SPINK5: variants seen among roughly 807,000 people sequenced by gnomAD.
SPINK5 encodes the protein serine protease inhibitor Kazal-type 5.
SPINK5 carries 125 observed loss-of-function variants against 151.8 expected under a neutral mutation model. The observed-to-expected ratio is 0.82, with a 90% confidence interval of 0.71 to 0.96. SPINK5 has a LOEUF of 0.96. SPINK5 is among the 40% of genes least tolerant of loss of function. The pLI is 0.00. For synonymous variants in SPINK5, 374 were observed against 395.3 expected, an observed-to-expected ratio of 0.95 and a Z score of 0.64; for missense variants, 1,194 against 1,291.9, an observed-to-expected ratio of 0.92 and a Z score of 1.16.
intron 26 of SPINK5, among the ~76,000 whole-genome samples, chr5:148,123,521 G>GTGTGTGTGTATATATATATATA (rs1328976077): frequency 4.0e-4 from 10 of 25,010 alleles, no homozygotes; most frequent in African/African-American, 7.2e-4. Flanking sequence ...CAATATATGT[G>GTGTGTGTGTATATATATATATA]TATATATATA....
intron 28 of SPINK5, among the ~76,000 whole-genome samples, chr5:148,125,369 T>C (rs1168458051): frequency 6.6e-6 from 1 of 152,202 alleles, no homozygotes; most frequent in Non-Finnish European, 1.5e-5. Context: ...TCTTTAACAG[T>C]AACAATCACA....
chr5:148,089,068 T>A, intron 6 of SPINK5: 1 of 461,268 alleles, frequency 2.2e-6, no homozygotes, highest in Non-Finnish European at 4.3e-6. Flanking sequence ...AAGGATCTCA[T>A]ACATGTCACA....
At chr5:148,128,339 G>A (rs947712627) in intron 30 of SPINK5, among the ~76,000 whole-genome samples, 5 of 151,982 alleles carry the variant, frequency 3.3e-5, no homozygotes, top group Non-Finnish European at 5.9e-5. Context: ...CAAGAAATAA[G>A]ATATCATCAG....
intron 2 of SPINK5, among the ~76,000 whole-genome samples, chr5:148,066,418 G>A (rs111827519): frequency 0.019 from 2,889 of 151,990 alleles, 105 homozygotes; most frequent in African/African-American, 0.065. Flanking sequence ...TTTTATCTCT[G>A]GCCACGAACA....
chr5:148,097,739 G>T, intron 10 of SPINK5, 128 bp from the exon 11 acceptor site: 2 of 920,686 alleles, frequency 2.2e-6, no homozygotes, highest in Non-Finnish European at 3.1e-6. Flanking sequence ...CACAATTTTT[G>T]GATGGTCCTA....
intron 15 of SPINK5, among the ~76,000 whole-genome samples, chr5:148,104,186 T>C (rs1753720915): frequency 2.0e-5 from 3 of 152,212 alleles, no homozygotes; most frequent in African/African-American, 7.2e-5. Flanking sequence ...GGTACTTTTA[T>C]TACCTCTTCT....
In SPINK5 at chr5:148,086,460, A is replaced by G. The variant is rs2113051809; in HGVS notation, c.338A>G (p.Asp113Gly). ...GERDGDFICP[D>G]YYEAVCGTDG... ...AGAGATGGGGATTTTATCTGTCCTGATTATTATGAAGCTGTTTGTGGCACA... is the reference window on the plus strand; with the variant it reads ...AGAGATGGGGATTTTATCTGTCCTGGTTATTATGAAGCTGTTTGTGGCACA... The change falls in exon 5 of 33, where the codon GAT (aspartate) becomes GGT (glycine). Residue 113 changes from aspartate (D) to glycine (G), a missense_variant. Asp to Gly is a moderately conservative substitution (Grantham distance 94). Transcript: ENST00000256084. 1 of 1,611,944 alleles carries G rather than the reference A, an allele frequency of 6.2e-7. No homozygotes were observed. The highest frequency in any genetic ancestry group is 1.7e-5 in the Admixed American group (1 of 59,850).
At chr5:148,089,748 A>G (rs532255925) in intron 7 of SPINK5, 127 bp downstream of exon 7, 701 of 1,373,606 alleles carry the variant, frequency 5.1e-4, no homozygotes, top group Admixed American at 7.4e-4. Context: ...ACTGTGAAAT[A>G]GCCTTTCTCA....
intron 8 of SPINK5, among the ~76,000 whole-genome samples, chr5:148,093,978 A>C (rs968748146): frequency 6.6e-6 from 1 of 151,996 alleles, no homozygotes; most frequent in Non-Finnish European, 1.5e-5. Context: ...TTTCCAGATT[A>C]AAACGTAGAA....
chr5:148,094,563 GA>G, intron 9 of SPINK5, 82 bp downstream of exon 9: 2 of 1,605,978 alleles, frequency 1.2e-6, no homozygotes, highest in Non-Finnish European at 1.7e-6. Context: ...AAATAACTTT[GA>G]AAGGAAGCTT....
intron 28 of SPINK5, among the ~76,000 whole-genome samples, chr5:148,125,102 A>C (rs1413792028): frequency 6.6e-6 from 1 of 152,166 alleles, no homozygotes; most frequent in Non-Finnish European, 1.5e-5. Flanking sequence ...TGGATTGAAA[A>C]GTAGAGGGTA....
At chr5:148,104,714 T>C (rs1753733534) in intron 15 of SPINK5, among the ~76,000 whole-genome samples, 1 of 151,930 alleles carries the variant, frequency 6.6e-6, no homozygotes, top group Admixed American at 6.6e-5. Context: ...GCCAGCATGG[T>C]GAAACCCCGT....
intron 30 of SPINK5, among the ~76,000 whole-genome samples, chr5:148,130,436 A>T (rs1192900584): frequency 1.3e-5 from 2 of 152,026 alleles, no homozygotes; most frequent in Non-Finnish European, 2.9e-5. Flanking sequence ...AATTACTGAT[A>T]CCATTGGATT....
At position 148,089,508 on chromosome 5, in the gene SPINK5, T is replaced by A. The variant is rs574656084; in HGVS notation, c.489T>A (p.Ala163=). ...CTGTTCTTCAGGATGTATGCAGTGC[T>A]TTTCGGCCCTTTGTTAGAGATGGAA... ...SSNPEQDVCS[A]FRPFVRDGRL... is the part of the protein sequence containing the mutation. Residue 163 remains alanine, a synonymous_variant, in exon 7 of 33, where the codon GCT becomes GCA. Transcript: ENST00000256084. The A allele has an allele frequency of 5.3e-5, 86 of 1,611,894 alleles. No individual in the cohort carries two copies. In the East Asian group the frequency reaches 1.7e-3, roughly 32 times the overall value.
chr5:148,101,691 G>A (rs1027678002), intron 14 of SPINK5, 90 bp from the exon 15 acceptor site: 206 of 1,593,202 alleles, frequency 1.3e-4, no homozygotes, highest in South Asian at 2.3e-4. Context: ...GCTAATCCTC[G>A]TTTAAGAAAA....
At chr5:148,068,094 G>C (rs1347315893) in intron 2 of SPINK5, among the ~76,000 whole-genome samples, 1 of 152,038 alleles carries the variant, frequency 6.6e-6, no homozygotes, top group African/African-American at 2.4e-5. Context: ...TATTCATCAA[G>C]GTAAGCATAA....
intron 24 of SPINK5, 33 bp downstream of exon 24, chr5:148,119,091 T>G: frequency 3.8e-6 from 6 of 1,594,678 alleles, no homozygotes; most frequent in Non-Finnish European, 5.2e-6. Flanking sequence ...GCAAGAATCG[T>G]CTTTCTGTGA....
intron 20 of SPINK5, 107 bp downstream of exon 20, chr5:148,113,041 G>A (rs1304686493): frequency 2.6e-6 from 4 of 1,532,946 alleles, no homozygotes; most frequent in South Asian, 1.2e-5. Context: ...GGAACTAGGG[G>A]TTCATTTAGT....
At chr5:148,065,255 A>T (rs934587710) in intron 1 of SPINK5, 92 bp from the exon 2 acceptor site, 2 of 1,363,310 alleles carry the variant, frequency 1.5e-6, no homozygotes, top group East Asian at 4.9e-5. Flanking sequence ...TTGTCATTAA[A>T]GCAATCAAGA....
Sources: gnomAD v4.1 joint callset for allele counts (sites outside exome capture counted in the v4.1 genomes callset) on GRCh38, gnomAD v4.1.1 for gene constraint, MANE v1.5 for transcripts, NCBI Gene and HGNC (gene_info 2026-07-23, HGNC 2026-07-21) for gene names.